The following HPSE2 variants were observed in gnomAD, a reference collection of about 807,000 sequenced individuals.
The protein encoded by HPSE2 is heparanase 2 (inactive).
In HPSE2, 38 loss-of-function variants were observed where a neutral mutation model predicts 60.5. The observed-to-expected ratio is 0.63, with a 90% CI of 0.48 to 0.82. HPSE2 has a LOEUF of 0.82. HPSE2 is among the 40% of genes least tolerant of loss of function. The pLI is 0.00. For missense variants in HPSE2, 713 were observed against 740.4 expected, an observed-to-expected ratio of 0.96 and a Z score of 0.43; for synonymous variants, 295 against 293.2, an observed-to-expected ratio of 1.01 and a Z score of -0.06.
At chr10:99,168,215 C>T (rs2133793200) in intron 2 of HPSE2, among the ~76,000 whole-genome samples, 1 of 152,008 alleles carries the variant, frequency 6.6e-6, no homozygotes, top group East Asian at 1.9e-4. Flanking sequence ...CATGATATGA[C>T]ATATCTCCAT....
chr10:98,473,484 C>CAA (rs752065277), intron 11 of HPSE2, among the ~76,000 whole-genome samples: 7,803 of 43,966 alleles, frequency 0.18, 571 homozygotes, highest in Non-Finnish European at 0.24. Context: ...GACTCTGTCT[C>CAA]AAAAAAAAAA....
chr10:98,560,518 G>C (rs907054493), intron 9 of HPSE2, among the ~76,000 whole-genome samples: 2 of 152,240 alleles, frequency 1.3e-5, no homozygotes, highest in African/African-American at 4.8e-5. Context: ...CCAAAGCCCA[G>C]TCCTGGCCCC....
chr10:98,747,651 C>T (rs41343052), intron 3 of HPSE2, among the ~76,000 whole-genome samples: 1,847 of 152,258 alleles, frequency 0.012, 25 homozygotes, highest in African/African-American at 0.041. Flanking sequence ...TCTTCCATGA[C>T]GCCATTCCTG....
chr10:98,493,030 G>GTGACTA (rs542544740), intron 9 of HPSE2, among the ~76,000 whole-genome samples: 459 of 152,192 alleles, frequency 3.0e-3, no homozygotes, highest in Non-Finnish European at 5.1e-3. Flanking sequence ...TTCTGCCTCT[G>GTGACTA]TGACTATTCT....
chr10:99,283,454 T>C, the HPSE2 span, among the ~76,000 whole-genome samples: 1 of 151,490 alleles, frequency 6.6e-6, no homozygotes, highest in South Asian at 2.1e-4. Flanking sequence ...AGTGAGCTGA[T>C]CATACCACTG....
intron 3 of HPSE2, among the ~76,000 whole-genome samples, chr10:98,746,450 A>T (rs893757378): frequency 2.0e-5 from 3 of 152,022 alleles, no homozygotes; most frequent in African/African-American, 7.2e-5. Flanking sequence ...TATATTCAAA[A>T]TAATATTAAA....
chr10:98,565,921 G>C (rs1366146198), intron 9 of HPSE2, among the ~76,000 whole-genome samples: 4 of 152,196 alleles, frequency 2.6e-5, no homozygotes, highest in East Asian at 1.9e-4. Flanking sequence ...GAGAGAGAGA[G>C]AGCATATCAG....
At chr10:99,060,006 A>G (rs1353129347) in intron 3 of HPSE2, among the ~76,000 whole-genome samples, 1 of 152,012 alleles carries the variant, frequency 6.6e-6, no homozygotes, top group East Asian at 1.9e-4. Flanking sequence ...GTAATTAGAA[A>G]TATGCCATAA....
chr10:98,624,676 T>C (rs1441754044), intron 7 of HPSE2, among the ~76,000 whole-genome samples: 1 of 152,232 alleles, frequency 6.6e-6, no homozygotes, highest in Non-Finnish European at 1.5e-5. Context: ...TGTAAAATGA[T>C]ATACAAATTA....
intron 3 of HPSE2, among the ~76,000 whole-genome samples, chr10:99,098,766 C>T (rs1162430787): frequency 6.6e-6 from 1 of 152,116 alleles, no homozygotes; most frequent in Admixed American, 6.6e-5. Context: ...TTGACATAGA[C>T]TTTAACAGGG....
At chr10:99,022,347 G>A (rs146167146) in intron 3 of HPSE2, among the ~76,000 whole-genome samples, 38 of 152,202 alleles carry the variant, frequency 2.5e-4, no homozygotes, top group Non-Finnish European at 4.6e-4. Context: ...GTCTGAACTT[G>A]AGTGCCTGCA....
chr10:98,481,868 C>T (rs1039620822), intron 11 of HPSE2, among the ~76,000 whole-genome samples: 3 of 152,194 alleles, frequency 2.0e-5, no homozygotes, highest in Non-Finnish European at 2.9e-5. Flanking sequence ...AGAGGCCTCA[C>T]TCGGGGAGCT....
At chr10:99,242,883 T>C in the HPSE2 span, among the ~76,000 whole-genome samples, 5 of 152,216 alleles carry the variant, frequency 3.3e-5, no homozygotes, top group African/African-American at 9.6e-5. Flanking sequence ...TTGCTACTCA[T>C]TGTCCTTCTC....
intron 8 of HPSE2, among the ~76,000 whole-genome samples, chr10:98,618,671 G>A (rs1322235324): frequency 1.3e-5 from 2 of 152,148 alleles, no homozygotes; most frequent in Non-Finnish European, 2.9e-5. Context: ...CTGCTACCCA[G>A]ATTCAAGCAA....
intron 9 of HPSE2, among the ~76,000 whole-genome samples, chr10:98,563,040 C>A (rs189544109): frequency 6.6e-6 from 1 of 152,148 alleles, no homozygotes; most frequent in East Asian, 1.9e-4. Context: ...AAAGGTTACA[C>A]ACAGAGTTAC....
intron 6 of HPSE2, among the ~76,000 whole-genome samples, chr10:98,689,176 A>C (rs1025405713): frequency 6.6e-6 from 1 of 152,062 alleles, no homozygotes; most frequent in African/African-American, 2.4e-5. Flanking sequence ...TAAAAAAAAA[A>C]TTTCTGCCAC....
chr10:99,184,863 G>GAGAGAGAC lies in HPSE2; in HGVS notation c.449-40465_449-40464insGTCTCTCT, dbSNP rs796284708. Reference sequence around the variant, plus strand: ...AGAGAGAGAGAGAGAGAGAGAGAGAGACAGAAACACTGAAAAAATGATGTA... The same window carrying GAGAGAGAC: ...AGAGAGAGAGAGAGAGAGAGAGAGAGAGAGAGACACAGAAACACTGAAAAAATGATGTA... On this transcript the variant is annotated intron_variant, in intron 2 of 11. Coordinates refer to ENST00000370552, the MANE Select transcript of HPSE2 (RefSeq NM_021828.5). 1.6e-4 allele frequency among the ~76,000 whole-genome samples: 17 copies of GAGAGAGAC among 106,468 alleles called. No individual in the cohort carries two copies. In the East Asian group the frequency reaches 3.3e-3, roughly 21 times the overall value. The allele number at this position is 106,468 out of a possible 152,430, so 69.8% of individuals were successfully genotyped here.
intron 3 of HPSE2, chr10:99,013,203 G>T (rs1957057780): frequency 9.0e-6 from 6 of 667,292 alleles, no homozygotes; most frequent in Non-Finnish European, 1.7e-5. Context: ...ATCTTTAATA[G>T]ATGTTAGCTT....
chr10:98,643,231 T>C (rs982002366), intron 6 of HPSE2, among the ~76,000 whole-genome samples: 3 of 152,264 alleles, frequency 2.0e-5, no homozygotes, highest in Non-Finnish European at 2.9e-5. Context: ...ACGTAGTCTC[T>C]ATGGGCCTCA....
Sources: allele counts gnomAD v4.1 joint callset (sites outside exome capture counted in the v4.1 genomes callset), GRCh38; gene constraint gnomAD v4.1.1; transcripts MANE v1.5; gene names NCBI Gene and HGNC (gene_info 2026-07-23, HGNC 2026-07-21).